ARHGEF19: variants seen among roughly 807,000 people sequenced by gnomAD.
ARHGEF19 encodes the protein Rho guanine nucleotide exchange factor 19.
Under a neutral mutation model 87.6 loss-of-function variants are expected in ARHGEF19, and 92 were observed. The ratio of observed to expected loss-of-function variants is 1.05; its 90% CI spans 0.89 to 1.25. The LOEUF is 1.25. Ranked by LOEUF, ARHGEF19 falls within the 50% of genes most tolerant of loss-of-function variation. ARHGEF19 has a pLI of 0.00. For missense variants in ARHGEF19, 1,054 were observed against 1,051.8 expected (o/e 1.00, Z -0.03); for synonymous variants, 438 against 446.2 (o/e 0.98, Z 0.23).
chr1:16,199,725 T>A (rs555984121), intron 14 of ARHGEF19, among the ~76,000 whole-genome samples: 1 of 152,198 alleles, frequency 6.6e-6, no homozygotes, highest in East Asian at 1.9e-4. Context: ...GGCTTCCCAG[T>A]CCTCTTAGAA....
chr1:16,205,758 C>T lies in ARHGEF19; in HGVS notation c.1452-91G>A, dbSNP rs1403133417. On this transcript the variant is annotated intron_variant, in intron 8 of 15. Transcript: ENST00000270747. This position sits in a 1 kb window ranked among gnomAD's most constrained non-coding sequence, Gnocchi z 5.8. ...CATCCACGGGGTCCTCAGGGGGCTTCTCAGCACATCCTTACTGCCCTTTGG... is the reference window on the plus strand; with the variant it reads ...CATCCACGGGGTCCTCAGGGGGCTTTTCAGCACATCCTTACTGCCCTTTGG... 8.6e-6 allele frequency: 13 copies of T among 1,508,184 alleles called. No homozygotes were observed. The South Asian group carries it at 1.3e-4, about 15-fold the overall frequency. The allele number at this position is 1,508,184 out of a possible 1,614,324, so 93.4% of individuals were successfully genotyped here.
chr1:16,204,336 A>G (rs963014307), intron 12 of ARHGEF19, among the ~76,000 whole-genome samples: 5 of 152,192 alleles, frequency 3.3e-5, no homozygotes, highest in African/African-American at 1.2e-4. Flanking sequence ...CCATGATCTG[A>G]GAGTAACAGA....
intron 12 of ARHGEF19, among the ~76,000 whole-genome samples, chr1:16,204,019 A>G (rs1227466889): frequency 6.6e-6 from 1 of 152,214 alleles, no homozygotes; most frequent in East Asian, 1.9e-4. Flanking sequence ...TTCTTCTTAT[A>G]GCATAACATG....
rs2081061788 is a variant in ARHGEF19 at position 16,198,927 on chromosome 1, C to T, written c.2252-183G>A. Among the ~76,000 whole-genome samples, 1 of 152,150 alleles carries T rather than the reference C, an allele frequency of 6.6e-6. No individual in the cohort carries two copies. Among genetic ancestry groups the T allele is most frequent in the South Asian group, 2.1e-4 (1 of 4,828 alleles). ...GCTGTCTTGCAGATGAACTTCTGAC[C>T]TGTTTTTCCTGATATCCTCTGAAAG... On this transcript the variant is annotated intron_variant, in intron 15 of 15. Coordinates refer to ENST00000270747, the MANE Select transcript of ARHGEF19 (RefSeq NM_153213.5). This position sits in a 1 kb window ranked among gnomAD's most constrained non-coding sequence, Gnocchi z 4.1.
intron 14 of ARHGEF19, among the ~76,000 whole-genome samples, chr1:16,200,109 T>G (rs2081071853): frequency 6.6e-6 from 1 of 152,184 alleles, no homozygotes; most frequent in Admixed American, 6.5e-5. Context: ...GACTCCTAGC[T>G]CAAGCCAGAG....
Position 16,207,965 on chromosome 1 carries a change from C to A in ARHGEF19, c.673G>T (p.Gly225Cys), listed in dbSNP as rs1190875871. 1 of 1,610,950 alleles carries A rather than the reference C, an allele frequency of 6.2e-7. No homozygotes were observed. Residue 225 changes from glycine (G) to cysteine (C), a missense_variant, in exon 3 of 16, where the codon GGC (glycine) becomes TGC (cysteine). Transcript: ENST00000270747. The surrounding 1 kb of genome is among the most constrained non-coding windows in gnomAD (Gnocchi z 4.0). Reference protein sequence around the residue: ...SAARALISGSGTGAAREGKAS... With the variant: ...SAARALISGSCTGAAREGKAS... ...GTACCTTCCCGGGCTGCTCCGGTGC[C>A]TGACCCAGAGATGAGTGCCCGGGCT...
rs539567550 is a variant in ARHGEF19 at position 16,205,085 on chromosome 1, A to G, written c.1746+2T>C. ...CCCATCCCGCTGGCTGCAGACACAC[A>G]CCTTGCCCTCAAAGTGGATCTTCTT... is the stretch of plus-strand genomic sequence containing the variant. On this transcript the variant is annotated splice_donor_variant, in intron 11 of 15. Coordinates refer to ENST00000270747, the MANE Select transcript of ARHGEF19 (RefSeq NM_153213.5). LOFTEE classifies it high-confidence loss of function. The surrounding 1 kb of genome is among the most constrained non-coding windows in gnomAD (Gnocchi z 5.8). 4.4e-6 allele frequency: 7 copies of G among 1,600,122 alleles called. No individual in the cohort carries two copies. The African/African-American group carries it at 9.4e-5, about 21-fold the overall frequency.
chr1:16,206,014 C>T lies in ARHGEF19; in HGVS notation c.1368G>A (p.Leu456=), dbSNP rs2081129121. Residue 456 remains leucine (L), a synonymous_variant, in exon 8 of 16, where the codon CTG becomes CTA. Transcript: ENST00000270747. The surrounding 1 kb of genome is among the most constrained non-coding windows in gnomAD (Gnocchi z 4.6). ...CTCTGCGGAAGGCCGGGCAGTGGTC[C>T]AGCACCACGTCGCACACGCTGAAGC... The part of the protein sequence containing the change: ...VLRFSVCDVV[L]DHCPAFRRVY... The T allele has an allele frequency of 6.2e-7, 1 of 1,604,848 alleles. No homozygotes were observed. The highest frequency in any genetic ancestry group is 8.5e-7 in the Non-Finnish European group (1 of 1,175,744).
At position 16,206,838 on chromosome 1, in the gene ARHGEF19, G is replaced by C; in HGVS notation, c.1137+110C>G. On this transcript the variant is annotated intron_variant, in intron 6 of 15. Transcript: ENST00000270747. This position sits in a 1 kb window ranked among gnomAD's most constrained non-coding sequence, Gnocchi z 4.6. ...ACCTTCCGCGCGGACAGTCGCGCCA[G>C]CAACCCCCTTTGTGTGTCCCCCTCC... The C allele has an allele frequency of 7.7e-7, 1 of 1,301,690 alleles. No homozygotes were observed. The highest frequency in any genetic ancestry group is 9.9e-7 in the Non-Finnish European group (1 of 1,007,608). The allele number at this position is 1,301,690 out of a possible 1,614,324, so 80.6% of individuals were successfully genotyped here. A position where few individuals can be genotyped will look rare whatever the true frequency, so the allele number is the denominator to read the frequency against.
chr1:16,202,612 G>C, intron 12 of ARHGEF19, 38 bp from the exon 13 acceptor site: 1 of 1,595,802 alleles, frequency 6.3e-7, no homozygotes, highest in South Asian at 1.1e-5. Context: ...CCTGGCCTGG[G>C]CCCTGGCTCT....
chr1:16,209,558 G>T (rs1204730397), intron 1 of ARHGEF19, among the ~76,000 whole-genome samples: 1 of 152,160 alleles, frequency 6.6e-6, no homozygotes, highest in Non-Finnish European at 1.5e-5. Flanking sequence ...AGTATAGAAT[G>T]ACATGTACAC....
chr1:16,207,727 C>T lies in ARHGEF19; in HGVS notation c.745G>A (p.Val249Met). The part of the protein sequence containing the change: ...ARSVEMSGDR[V>M]SRPAPGDSRE... ...GAGTCACCAGGGGCTGGCCGCGACA[C>T]CCGGTCCCCGCTCATCTCTACACTT... The change falls in exon 4 of 16, where the codon GTG becomes ATG. Residue 249 changes from valine to methionine, a missense_variant. Coordinates refer to ENST00000270747, the MANE Select transcript of ARHGEF19 (RefSeq NM_153213.5). The surrounding 1 kb of genome is among the most constrained non-coding windows in gnomAD (Gnocchi z 4.0). 1 of 1,613,984 alleles carries T rather than the reference C, an allele frequency of 6.2e-7. No individual in the cohort carries two copies. The highest frequency in any genetic ancestry group is 8.5e-7 in the Non-Finnish European group (1 of 1,180,018).
rs1215581938 is a variant in ARHGEF19 at position 16,207,071 on chromosome 1, G to A, written c.1014C>T (p.Ser338=). 4.2e-5 allele frequency: 63 copies of A among 1,509,896 alleles called. No individual in the cohort carries two copies. Among genetic ancestry groups the A allele is most frequent in the Non-Finnish European group, 5.3e-5 (60 of 1,131,746 alleles). The allele number at this position is 1,509,896 out of a possible 1,614,324, so 93.5% of individuals were successfully genotyped here. A position where few individuals can be genotyped will look rare whatever the true frequency, so the allele number is the denominator to read the frequency against. Residue 338 remains serine, a synonymous_variant, in exon 6 of 16, where the codon AGC becomes AGT. Coordinates refer to ENST00000270747, the MANE Select transcript of ARHGEF19 (RefSeq NM_153213.5). The surrounding 1 kb of genome is among the most constrained non-coding windows in gnomAD (Gnocchi z 4.0). ...PGPPRANLSP[S]SSFRAQRSAR... ...CCGAGCGCTGCGCCCGGAAGGAGCT[G>A]CTGGGGGAGAGGTTGGCCCGCGGCG...
rs376472016 is a variant in ARHGEF19, at chr1:16,207,689, A to G, written c.783T>C (p.Asp261=). 1.7e-5 allele frequency: 27 copies of G among 1,613,778 alleles called. No homozygotes were observed. Among genetic ancestry groups the G allele is most frequent in the African/African-American group, 1.2e-4 (9 of 74,876 alleles). The change falls in exon 4 of 16, where the codon GAT becomes GAC. Residue 261 remains aspartate, a synonymous_variant. Transcript: ENST00000270747. The surrounding 1 kb of genome is among the most constrained non-coding windows in gnomAD (Gnocchi z 4.0). The stretch of plus-strand genomic sequence containing the variant: ...GGAGGTGGTACCTGGGCTCGGACCA[A>G]TCGCCCTCTCGTGAGTCACCAGGGG... ...RPAPGDSREG[D]WSEPRLDTQE... is the part of the protein sequence containing the mutation.
rs1286330576 is a variant in ARHGEF19 at position 16,208,036 on chromosome 1, A to G, written c.602T>C (p.Leu201Pro). Residue 201 changes from leucine (L) to proline (P), a missense_variant, in exon 3 of 16, where the codon CTG (leucine) becomes CCG (proline). Physicochemically the swap from Leu to Pro is moderately conservative, Grantham distance 98 (BLOSUM62 -3). Transcript: ENST00000270747. The stretch of plus-strand genomic sequence containing the variant: ...CAGAGAAGAGTGCAGCCGGGTCATC[A>G]GCTCCGATGCCGAGAAGCGCCTCCG... The part of the protein sequence containing the change: ...PERRRFSASE[L>P]MTRLHSSLRL... 3 of 1,613,618 alleles carry G rather than the reference A, an allele frequency of 1.9e-6. No homozygotes were observed. Among genetic ancestry groups the G allele is most frequent in the Admixed American group, 3.3e-5 (2 of 60,010 alleles).
intron 14 of ARHGEF19, among the ~76,000 whole-genome samples, chr1:16,200,261 T>C (rs928359540): frequency 6.6e-6 from 1 of 152,268 alleles, no homozygotes; most frequent in African/African-American, 2.4e-5. Flanking sequence ...TACTTCACCT[T>C]CTAAGCCTGA....
Position 16,207,757 on chromosome 1 carries a change from C to A in ARHGEF19, c.715G>T (p.Ala239Ser). Residue 239 changes from alanine to serine, a missense_variant, in exon 4 of 16, where the codon GCT (alanine) becomes TCT (serine). Physicochemically the swap from Ala to Ser is moderately conservative, Grantham distance 99 (BLOSUM62 1). Coordinates refer to ENST00000270747, the MANE Select transcript of ARHGEF19 (RefSeq NM_153213.5). This position sits in a 1 kb window ranked among gnomAD's most constrained non-coding sequence, Gnocchi z 4.0. ...AREGKASGME[A>S]RSVEMSGDRV... is the part of the protein sequence containing the mutation. Reference sequence around the variant, plus strand: ...TCCCCGCTCATCTCTACACTTCGAGCCTCCATTCCAGATGCTTTCCCTGGA... The same window carrying A: ...TCCCCGCTCATCTCTACACTTCGAGACTCCATTCCAGATGCTTTCCCTGGA... The A allele has an allele frequency of 6.2e-7, 1 of 1,614,052 alleles. No homozygotes were observed. Among genetic ancestry groups the A allele is most frequent in the East Asian group, 2.2e-5 (1 of 44,876 alleles).
At chr1:16,212,172 T>C (rs2100300176) in intron 1 of ARHGEF19, among the ~76,000 whole-genome samples, 1 of 152,334 alleles carries the variant, frequency 6.6e-6, no homozygotes, top group South Asian at 2.1e-4. Context: ...TTAGCAAGGC[T>C]GCCAGAGAGT....
At chr1:16,210,123 C>T (rs2081185691) in intron 1 of ARHGEF19, among the ~76,000 whole-genome samples, 1 of 152,286 alleles carries the variant, frequency 6.6e-6, no homozygotes, top group African/African-American at 2.4e-5. Flanking sequence ...GCCAGCCTCC[C>T]TCCTGCAGCC....
Sources: allele counts gnomAD v4.1 joint callset (sites outside exome capture counted in the v4.1 genomes callset), GRCh38; gene constraint gnomAD v4.1.1; non-coding constraint Gnocchi (gnomAD v3.1); transcripts MANE v1.5; gene names NCBI Gene and HGNC (gene_info 2026-07-23, HGNC 2026-07-21).